Variants in ASTN1 observed in about 807,000 individuals in gnomAD.
The protein encoded by ASTN1 is astrotactin-1.
Under a neutral mutation model 140.7 loss-of-function variants are expected in ASTN1, and 41 were observed. That is an observed-to-expected ratio of 0.29 (90% CI 0.23 to 0.38). The LOEUF (loss-of-function observed/expected upper bound fraction) is 0.38. ASTN1 is among the 10% of genes least tolerant of loss of function. The pLI, the probability that ASTN1 is intolerant of heterozygous loss-of-function variation, is 1.00. For missense variants in ASTN1, 1,479 were observed against 1,678.8 expected, an observed-to-expected ratio of 0.88 and a Z score of 2.08; for synonymous variants, 640 against 652.2, an observed-to-expected ratio of 0.98 and a Z score of 0.29.
intron 2 of ASTN1, among the ~76,000 whole-genome samples, chr1:177,047,402 T>C (rs550977099): frequency 5.3e-5 from 8 of 152,012 alleles, no homozygotes; most frequent in Non-Finnish European, 1.2e-4. Context: ...TCAGGGTAGC[T>C]CACAGAGGGG....
At chr1:176,937,646 C>T (rs1671507031) in intron 14 of ASTN1, among the ~76,000 whole-genome samples, 1 of 152,064 alleles carries the variant, frequency 6.6e-6, no homozygotes, top group Non-Finnish European at 1.5e-5. Context: ...TATTTCTATG[C>T]TTAATCTTTG....
intron 8 of ASTN1, among the ~76,000 whole-genome samples, chr1:177,010,256 T>C (rs1675226253): frequency 6.6e-6 from 1 of 152,158 alleles, no homozygotes; most frequent in Non-Finnish European, 1.5e-5. Context: ...CTGTGTTTAA[T>C]AGTCTGTGTC....
intron 1 of ASTN1, among the ~76,000 whole-genome samples, chr1:177,135,258 T>C (rs1682135687): frequency 6.6e-6 from 1 of 151,954 alleles, no homozygotes; most frequent in South Asian, 2.1e-4. Flanking sequence ...GGTTAGATCC[T>C]AGTTAATTCA....
At chr1:177,023,879 C>G (rs941136097) in intron 6 of ASTN1, among the ~76,000 whole-genome samples, 16 of 152,128 alleles carry the variant, frequency 1.1e-4, no homozygotes, top group South Asian at 2.1e-4. Flanking sequence ...ATGGCCATGG[C>G]ATGGCTCCAT....
At chr1:177,151,880 A>G (rs915759433) in intron 1 of ASTN1, among the ~76,000 whole-genome samples, 3 of 152,168 alleles carry the variant, frequency 2.0e-5, no homozygotes, top group Non-Finnish European at 2.9e-5. Context: ...GAGAAAAAGG[A>G]AATAGCCACT....
At chr1:177,130,723 C>A in intron 1 of ASTN1, among the ~76,000 whole-genome samples, 1 of 152,124 alleles carries the variant, frequency 6.6e-6, no homozygotes, top group East Asian at 1.9e-4. Context: ...CCATCGCACA[C>A]TGTCAAGGGT....
chr1:177,007,744 A>G (rs1412723108), intron 8 of ASTN1, among the ~76,000 whole-genome samples: 2 of 152,170 alleles, frequency 1.3e-5, no homozygotes, highest in African/African-American at 2.4e-5. Context: ...CTGAGTAACC[A>G]AGGTTACAAT....
At chr1:177,128,135 T>A (rs1681759081) in intron 1 of ASTN1, among the ~76,000 whole-genome samples, 1 of 152,202 alleles carries the variant, frequency 6.6e-6, no homozygotes, top group Non-Finnish European at 1.5e-5. Flanking sequence ...TGTCTTTAGA[T>A]GAATTAGGGA....
At chr1:176,889,813 T>C (rs1669188349) in intron 17 of ASTN1, among the ~76,000 whole-genome samples, 2 of 152,230 alleles carry the variant, frequency 1.3e-5, no homozygotes, top group South Asian at 2.1e-4. Context: ...TTGCCCAGGG[T>C]CATAGGGTGG....
chr1:176,868,824 T>G lies in ASTN1; in HGVS notation c.3647+20A>C. 1 of 1,579,232 alleles carries G rather than the reference T, an allele frequency of 6.3e-7. No individual in the cohort carries two copies. Among genetic ancestry groups the G allele is most frequent in the Non-Finnish European group, 8.6e-7 (1 of 1,159,884 alleles). On this transcript the variant is annotated intron_variant, in intron 22 of 22. Coordinates refer to ENST00000361833, the MANE Select transcript of ASTN1 (RefSeq NM_004319.3). ...AATTTCAAGAAGTCTTTAAAAGGGT[T>G]GACTTAGTTTATTGATTACCTGGGA...
At chr1:177,016,695 C>T (rs1323295411) in intron 7 of ASTN1, among the ~76,000 whole-genome samples, 2 of 152,110 alleles carry the variant, frequency 1.3e-5, no homozygotes, top group Non-Finnish European at 2.9e-5. Flanking sequence ...AAACAAGGAA[C>T]GAGGTTAGTC....
At chr1:176,882,477 A>C (rs1203361443) in intron 20 of ASTN1, among the ~76,000 whole-genome samples, 1 of 152,176 alleles carries the variant, frequency 6.6e-6, no homozygotes, top group Non-Finnish European at 1.5e-5. Context: ...GTTGGTTGAA[A>C]TTCTACACAA....
chr1:176,873,506 G>A (rs1668433979), intron 21 of ASTN1, among the ~76,000 whole-genome samples: 1 of 152,174 alleles, frequency 6.6e-6, no homozygotes, highest in South Asian at 2.1e-4. Context: ...ATGAGGAGCT[G>A]AAGTCATGCT....
At chr1:176,874,801 T>C (rs1668495388) in intron 21 of ASTN1, among the ~76,000 whole-genome samples, 1 of 152,064 alleles carries the variant, frequency 6.6e-6, no homozygotes. Flanking sequence ...ACTATCTCCC[T>C]CATCCCCAGT....
chr1:176,945,596 T>C (rs1441273229), intron 13 of ASTN1, among the ~76,000 whole-genome samples: 1 of 152,208 alleles, frequency 6.6e-6, no homozygotes, highest in Non-Finnish European at 1.5e-5. Flanking sequence ...ACTGCTGTTC[T>C]AGACTGACTC....
chr1:176,979,487 G>A (rs1427714713), intron 8 of ASTN1, among the ~76,000 whole-genome samples: 1 of 152,108 alleles, frequency 6.6e-6, no homozygotes, highest in African/African-American at 2.4e-5. Flanking sequence ...CCCCATTTCA[G>A]GTTAGTCCAC....
intron 20 of ASTN1, among the ~76,000 whole-genome samples, chr1:176,880,191 C>T (rs554105678): frequency 2.0e-5 from 3 of 152,278 alleles, no homozygotes; most frequent in African/African-American, 7.2e-5. Context: ...ATGACCCCAA[C>T]GGAGGCCTGT....
chr1:176,963,083 C>A (rs548904820), intron 9 of ASTN1, among the ~76,000 whole-genome samples: 1 of 152,262 alleles, frequency 6.6e-6, no homozygotes, highest in African/African-American at 2.4e-5. Flanking sequence ...CAATTTATTG[C>A]AGATATTGGA....
intron 2 of ASTN1, among the ~76,000 whole-genome samples, chr1:177,054,633 T>C (rs2102020139): frequency 6.6e-6 from 1 of 152,284 alleles, no homozygotes; most frequent in Non-Finnish European, 1.5e-5. Context: ...ACAAATTAGA[T>C]ACATCTGCTT....
Sources: gnomAD v4.1 joint callset for allele counts (sites outside exome capture counted in the v4.1 genomes callset) on GRCh38, gnomAD v4.1.1 for gene constraint, MANE v1.5 for transcripts, NCBI Gene and HGNC (gene_info 2026-07-23, HGNC 2026-07-21) for gene names.